Variants in PHF24 observed in about 807,000 individuals in gnomAD.
The protein encoded by PHF24 is Galpha inhibitory interacting protein.
In PHF24, 25 loss-of-function variants were observed where a neutral mutation model predicts 42.6. The observed-to-expected ratio is 0.59, with a 90% CI of 0.43 to 0.82. The LOEUF (loss-of-function observed/expected upper bound fraction) is 0.82. Among genes scored for constraint, PHF24 ranks in the 40% least tolerant of loss-of-function variants. The pLI is 0.00. For missense variants in PHF24, 470 were observed against 538.1 expected, an observed-to-expected ratio of 0.87 and a Z score of 1.25; for synonymous variants, 185 against 204.8, an observed-to-expected ratio of 0.90 and a Z score of 0.83.
chr9:34,953,542 G>A (rs1207441440), upstream of PHF24, among the ~76,000 whole-genome samples: 4 of 152,290 alleles, frequency 2.6e-5, no homozygotes, highest in East Asian at 7.7e-4. This position sits in a 1 kb window ranked among gnomAD's most constrained non-coding sequence, Gnocchi z 4.1. Context: ...GAAGATACAA[G>A]CTCTGATTAG....
the PHF24 span, among the ~76,000 whole-genome samples, chr9:34,666,398 T>G: frequency 1.3e-5 from 2 of 152,096 alleles, no homozygotes; most frequent in Non-Finnish European, 2.9e-5. Flanking sequence ...TCCCCTTGTA[T>G]GACCCTGGGC....
the PHF24 span, among the ~76,000 whole-genome samples, chr9:34,673,474 T>TTG: frequency 1.3e-5 from 2 of 151,826 alleles, no homozygotes; most frequent in African/African-American, 4.8e-5. Flanking sequence ...GTTGTTGTTG[T>TTG]TTGTTTGTTT....
the PHF24 span, among the ~76,000 whole-genome samples, chr9:34,919,972 G>T: frequency 6.6e-6 from 1 of 152,090 alleles, no homozygotes; most frequent in African/African-American, 2.4e-5. Flanking sequence ...ACTTAGTTTG[G>T]TTCCAAATCT....
the PHF24 span, among the ~76,000 whole-genome samples, chr9:34,722,807 C>T: frequency 6.6e-6 from 1 of 152,164 alleles, no homozygotes; most frequent in Non-Finnish European, 1.5e-5. Flanking sequence ...TAGCCACTCT[C>T]CTAGGCCCTG....
At chr9:34,736,879 G>A in the PHF24 span, among the ~76,000 whole-genome samples, 218 of 152,302 alleles carry the variant, frequency 1.4e-3, 1 homozygote, top group African/African-American at 4.9e-3. Flanking sequence ...ATGTGTCAGC[G>A]TGGAATTCTA....
At chr9:34,723,323 G>A in the PHF24 span, 2 of 1,551,728 alleles carry the variant, frequency 1.3e-6, no homozygotes, top group African/African-American at 1.4e-5. Flanking sequence ...GGCAGAGCCA[G>A]GTTGTCTGGA....
the PHF24 span, among the ~76,000 whole-genome samples, chr9:34,829,607 C>T: frequency 6.6e-6 from 1 of 152,204 alleles, no homozygotes; most frequent in African/African-American, 2.4e-5. Context: ...TTATAGCACT[C>T]ATCACAAAGA....
At chr9:34,832,966 G>A in the PHF24 span, 4 of 1,551,738 alleles carry the variant, frequency 2.6e-6, no homozygotes, top group Non-Finnish European at 2.6e-6. Flanking sequence ...GATGCTGGGG[G>A]CTGTGTTGAC....
the PHF24 span, among the ~76,000 whole-genome samples, chr9:34,772,150 GAATTA>G: frequency 2.0e-5 from 3 of 152,102 alleles, no homozygotes; most frequent in Non-Finnish European, 4.4e-5. Flanking sequence ...AAGTTATAAT[GAATTA>G]AATTAAACTC....
the PHF24 span, among the ~76,000 whole-genome samples, chr9:34,731,058 A>C: frequency 1.3e-5 from 2 of 152,206 alleles, no homozygotes; most frequent in South Asian, 4.1e-4. Flanking sequence ...AAAAGGCAGA[A>C]GAGTGTATAG....
the PHF24 span, among the ~76,000 whole-genome samples, chr9:34,925,989 G>A: frequency 6.6e-6 from 1 of 152,186 alleles, no homozygotes; most frequent in Non-Finnish European, 1.5e-5. Context: ...TTCATGGGGT[G>A]TACTGGCCTT....
chr9:34,676,049 G>A, the PHF24 span, among the ~76,000 whole-genome samples: 1 of 152,188 alleles, frequency 6.6e-6, no homozygotes, highest in Non-Finnish European at 1.5e-5. Flanking sequence ...CTATATGTGT[G>A]TGGGAGGTGG....
At chr9:34,782,663 A>G in the PHF24 span, among the ~76,000 whole-genome samples, 1 of 152,132 alleles carries the variant, frequency 6.6e-6, no homozygotes, top group Non-Finnish European at 1.5e-5. Flanking sequence ...TGACTTAGAG[A>G]GGCATTTATG....
chr9:34,809,299 T>TAAGG, the PHF24 span, among the ~76,000 whole-genome samples: 5 of 152,210 alleles, frequency 3.3e-5, no homozygotes, highest in Non-Finnish European at 7.3e-5. This position sits in a 1 kb window ranked among gnomAD's most constrained non-coding sequence, Gnocchi z 4.1. Flanking sequence ...TCATTTGTAC[T>TAAGG]TCTTCAGTTA....
chr9:34,889,499 GT>G, the PHF24 span: 1 of 398,606 alleles, frequency 2.5e-6, no homozygotes, highest in Middle Eastern at 6.3e-4. Flanking sequence ...TCTTCTCAAT[GT>G]TTTTTGTCCT....
the PHF24 span, among the ~76,000 whole-genome samples, chr9:34,747,140 G>T: frequency 6.6e-6 from 1 of 152,176 alleles, no homozygotes; most frequent in Non-Finnish European, 1.5e-5. Flanking sequence ...GGACATAGTG[G>T]CACACACCTA....
At chr9:34,712,446 C>T in the PHF24 span, among the ~76,000 whole-genome samples, 1 of 152,024 alleles carries the variant, frequency 6.6e-6, no homozygotes, top group African/African-American at 2.4e-5. Flanking sequence ...GATGGTATCC[C>T]TGAGGCTCGT....
chr9:34,970,028 G>A (rs1826918465), intron 1 of PHF24, among the ~76,000 whole-genome samples: 1 of 152,232 alleles, frequency 6.6e-6, no homozygotes, highest in Admixed American at 6.5e-5. Flanking sequence ...TGGTGAGACT[G>A]TTCTCCTGTC....
chr9:34,895,166 T>C, the PHF24 span: 3 of 398,356 alleles, frequency 7.5e-6, no homozygotes, highest in Middle Eastern at 6.3e-4. Flanking sequence ...CATAAACATT[T>C]CCTGGTCTTT....
Sources: gnomAD v4.1 joint callset for allele counts (sites outside exome capture counted in the v4.1 genomes callset) on GRCh38, gnomAD v4.1.1 for gene constraint, Gnocchi (gnomAD v3.1) non-coding constraint, MANE v1.5 for transcripts, NCBI Gene and HGNC (gene_info 2026-07-23, HGNC 2026-07-21) for gene names.